Variants in ZNF563 observed in about 807,000 individuals in gnomAD.
ZNF563 encodes zinc finger protein 563.
ZNF563 carries 39 observed loss-of-function variants against 48.5 expected under a neutral mutation model. The observed-to-expected ratio is 0.80, with a 90% CI of 0.62 to 1.05. The LOEUF (loss-of-function observed/expected upper bound fraction) is 1.05, where lower values mean the gene tolerates loss of function less well. Ranked by LOEUF, ZNF563 falls within the 50% of genes least tolerant of loss-of-function variation. The pLI is 0.00. For synonymous variants in ZNF563, 168 were observed against 187.9 expected (o/e 0.89, Z 0.87); for missense variants, 538 against 597.0 (o/e 0.90, Z 1.03).
chr19:12,328,386 T>G (rs1415932578), intron 1 of ZNF563, among the ~76,000 whole-genome samples: 1 of 152,188 alleles, frequency 6.6e-6, no homozygotes, highest in Non-Finnish European at 1.5e-5. Flanking sequence ...GCAAGAAGAT[T>G]GCTTGAGCCT....
the ZNF563 span, among the ~76,000 whole-genome samples, chr19:12,339,245 T>C: frequency 5.9e-4 from 90 of 151,550 alleles, no homozygotes; most frequent in African/African-American, 2.1e-3. Context: ...TCCTTGTGGC[T>C]CTTGTCTGAC....
intron 1 of ZNF563, among the ~76,000 whole-genome samples, chr19:12,327,495 G>C (rs1968824061): frequency 6.7e-6 from 1 of 148,594 alleles, no homozygotes. Context: ...AAGAAAAAAA[G>C]AGGTAGTTGA....
rs769588198 is a variant in ZNF563, at chr19:12,321,275, A to T, written c.188T>A (p.Leu63Gln). 1.0e-5 allele frequency: 16 copies of T among 1,572,816 alleles called. No individual in the cohort carries two copies. Among genetic ancestry groups the T allele is most frequent in the Non-Finnish European group, 2.6e-6 (3 of 1,160,774 alleles). The change falls in exon 3 of 4, where the codon CTA becomes CAA. Residue 63 changes from leucine to glutamine, a missense_variant. Physicochemically the swap from Leu to Gln is moderately radical, Grantham distance 113. Transcript: ENST00000293725. ...EDQYKNPRRN[L>Q]RCHMVERFSE... ...TTCTCCTGTGAGTGCAAATTACCTT[A>T]GATTTCTCCTAGGATTTTTGTACTG...
upstream of ZNF563, among the ~76,000 whole-genome samples, chr19:12,336,420 G>A (rs185451861): frequency 5.7e-4 from 87 of 151,654 alleles, no homozygotes; most frequent in African/African-American, 1.2e-3. Context: ...GTGAAACCCC[G>A]TCTCTACTAA....
At chr19:12,336,517 A>G (rs771077648), upstream of ZNF563, among the ~76,000 whole-genome samples, 1 of 152,160 alleles carries the variant, frequency 6.6e-6, no homozygotes, top group Non-Finnish European at 1.5e-5. Context: ...GCGTGAACCC[A>G]GGAGGTGGAG....
the ZNF563 span, among the ~76,000 whole-genome samples, chr19:12,339,950 A>G: frequency 6.6e-6 from 1 of 152,382 alleles, no homozygotes; most frequent in African/African-American, 2.4e-5. Context: ...TTCATCACAT[A>G]TAAATGATCC....
At chr19:12,329,267 T>C (rs1449722545) in intron 1 of ZNF563, among the ~76,000 whole-genome samples, 1 of 150,694 alleles carries the variant, frequency 6.6e-6, no homozygotes, top group Non-Finnish European at 1.5e-5. Flanking sequence ...AGGTCAGGAG[T>C]TCGAGACCTG....
Position 12,321,327 on chromosome 19 carries a change from TCATTCCTAAAAGGGAGACCCAGAA to T in ZNF563, c.131-19_135del, listed in dbSNP as rs1968618022. ...TCTTCAGTATTCTGTTCTTCCCATATCATTCCTAAAAGGGAGACCCAGAAAATCACTATACATTATTAGAAAATT... is the reference window on the plus strand; with the variant it reads ...TCTTCAGTATTCTGTTCTTCCCATATAATCACTATACATTATTAGAAAATT... On this transcript the variant is annotated splice_acceptor_variant and splice_polypyrimidine_tract_variant and coding_sequence_variant and intron_variant, in exon 3 of 4. Coordinates refer to ENST00000293725, the MANE Select transcript of ZNF563 (RefSeq NM_145276.3). LOFTEE classifies it high-confidence loss of function. 1.3e-6 allele frequency: 2 copies of T among 1,550,250 alleles called. No individual in the cohort carries two copies. Among genetic ancestry groups the T allele is most frequent in the Non-Finnish European group, 8.7e-7 (1 of 1,152,992 alleles).
At chr19:12,337,845 T>C (rs189918719), upstream of ZNF563, among the ~76,000 whole-genome samples, 16 of 152,308 alleles carry the variant, frequency 1.1e-4, no homozygotes, top group Admixed American at 5.9e-4. Context: ...CAGTGGTTCA[T>C]ACCTGTTAAC....
chr19:12,333,882 T>A (rs1968983857), upstream of ZNF563, among the ~76,000 whole-genome samples: 1 of 152,270 alleles, frequency 6.6e-6, no homozygotes, highest in Admixed American at 6.5e-5. Flanking sequence ...TGTGCTGTCC[T>A]GATCCCTCCC....
chr19:12,324,185 C>T (rs888636020), intron 1 of ZNF563, among the ~76,000 whole-genome samples: 5 of 152,004 alleles, frequency 3.3e-5, no homozygotes, highest in African/African-American at 9.7e-5. Flanking sequence ...TGGCGAAACC[C>T]TGTCTCTGCA....
intron 3 of ZNF563, among the ~76,000 whole-genome samples, chr19:12,320,371 T>A (rs1202617214): frequency 6.6e-6 from 1 of 152,028 alleles, no homozygotes; most frequent in Non-Finnish European, 1.5e-5. Flanking sequence ...TGAAACAGTA[T>A]CTTGCTTTGT....
At chr19:12,339,002 C>T in the ZNF563 span, among the ~76,000 whole-genome samples, 1,183 of 152,284 alleles carry the variant, frequency 7.8e-3, 20 homozygotes, top group African/African-American at 0.027. Flanking sequence ...TCCCCACTAC[C>T]TCTGTTGCAG....
intron 1 of ZNF563, among the ~76,000 whole-genome samples, chr19:12,325,955 A>G (rs1046390022): frequency 1.3e-5 from 2 of 152,246 alleles, no homozygotes; most frequent in East Asian, 3.8e-4. Context: ...GAATAGTTAC[A>G]GCCTTCATCA....
chr19:12,338,077 T>C (rs1403818104), upstream of ZNF563, among the ~76,000 whole-genome samples: 1 of 151,936 alleles, frequency 6.6e-6, no homozygotes, highest in South Asian at 2.1e-4. Flanking sequence ...ACTCCAGCTT[T>C]GGCAACAGAG....
chr19:12,341,242 C>T, the ZNF563 span, among the ~76,000 whole-genome samples: 7 of 151,966 alleles, frequency 4.6e-5, no homozygotes, highest in Middle Eastern at 3.4e-3. Flanking sequence ...AGTAGATCTG[C>T]GGTTTTGCCA....
upstream of ZNF563, among the ~76,000 whole-genome samples, chr19:12,335,241 T>G (rs1261686979): frequency 6.6e-6 from 1 of 152,202 alleles, no homozygotes; most frequent in Non-Finnish European, 1.5e-5. Flanking sequence ...CTTGGGACTC[T>G]TAGTCCTACT....
chr19:12,322,451 CT>C, intron 2 of ZNF563, 133 bp downstream of exon 2: 1 of 931,388 alleles, frequency 1.1e-6, no homozygotes, highest in Non-Finnish European at 1.5e-6. Flanking sequence ...TCTTTCAGGG[CT>C]GTCACCTCTG....
At chr19:12,321,620 T>A (rs1568474112) in intron 2 of ZNF563, among the ~76,000 whole-genome samples, 1 of 152,190 alleles carries the variant, frequency 6.6e-6, no homozygotes, top group Non-Finnish European at 1.5e-5. Context: ...AATGTTTGTA[T>A]TTTTATTGGA....
Sources: gnomAD v4.1 joint callset for allele counts (sites outside exome capture counted in the v4.1 genomes callset) on GRCh38, gnomAD v4.1.1 for gene constraint, MANE v1.5 for transcripts, NCBI Gene and HGNC (gene_info 2026-07-23, HGNC 2026-07-21) for gene names.